Variants in WWOX observed in about 807,000 individuals in gnomAD.
The protein encoded by WWOX is WW domain containing oxidoreductase, also known as WW domain-containing oxidoreductase.
A neutral mutation model predicts 46.2 loss-of-function variants in WWOX; 69 were observed. That is an observed-to-expected ratio of 1.49 (90% confidence interval 1.23 to 1.82). The LOEUF is 1.82. Ranked by LOEUF, WWOX falls within the 40% of genes most tolerant of loss-of-function variation. The pLI, the probability that WWOX is intolerant of heterozygous loss-of-function variation, is 0.00. For missense variants in WWOX, 919 were observed against 542.6 expected (o/e 1.69, Z -6.89); for synonymous variants, 359 against 202.6 (o/e 1.77, Z -6.56).
chr16:78,891,622 C>A lies in WWOX; in HGVS notation c.1057-319986C>A, dbSNP rs547614699. 8 of 152,310 alleles carry A rather than the reference C, an allele frequency of 5.3e-5. No individual in the cohort carries two copies. In the South Asian group the frequency reaches 1.7e-3, roughly 32 times the overall value. The allele number at this position is 152,310 out of a possible 1,614,324, so 9.4% of individuals were successfully genotyped here. A position where few individuals can be genotyped will look rare whatever the true frequency, so the allele number is the denominator to read the frequency against. On this transcript the variant is annotated intron_variant, in intron 8 of 8. Coordinates refer to ENST00000566780, the MANE Select transcript of WWOX (RefSeq NM_016373.4). ...AATGTGAGAACACCTTCAGTTACTG[C>A]AACTTTTTCAAGGTGGCATAAAATA...
At chr16:78,806,178 C>A (rs1275616930) in intron 8 of WWOX, among the ~76,000 whole-genome samples, 1 of 152,160 alleles carries the variant, frequency 6.6e-6, no homozygotes, top group Non-Finnish European at 1.5e-5. Context: ...ATAAGGCTTC[C>A]AAATTCTTGG....
chr16:78,250,920 T>A (rs1223200508), intron 5 of WWOX, among the ~76,000 whole-genome samples: 2 of 152,160 alleles, frequency 1.3e-5, no homozygotes, highest in African/African-American at 4.8e-5. Flanking sequence ...AATCCCCTGT[T>A]TGGCCTGTGT....
chr16:78,416,246 T>G (rs144608341), intron 6 of WWOX, among the ~76,000 whole-genome samples: 2 of 152,322 alleles, frequency 1.3e-5, no homozygotes, highest in East Asian at 3.9e-4. Flanking sequence ...CTCAGAGCCT[T>G]TTGAATTGCA....
intron 8 of WWOX, among the ~76,000 whole-genome samples, chr16:78,673,437 C>T (rs1381715771): frequency 1.3e-5 from 2 of 152,132 alleles, no homozygotes; most frequent in African/African-American, 4.8e-5. Context: ...TGTTGATCAT[C>T]GGTAATGACA....
intron 5 of WWOX, among the ~76,000 whole-genome samples, chr16:78,208,834 T>A (rs1481644854): frequency 6.6e-6 from 1 of 152,266 alleles, no homozygotes; most frequent in East Asian, 1.9e-4. Context: ...TTTGAAATAA[T>A]GACTAGTTAA....
Position 78,929,813 on chromosome 16 carries a change from A to G in WWOX, c.1057-281795A>G, listed in dbSNP as rs892938880. On this transcript the variant is annotated intron_variant, in intron 8 of 8. Transcript: ENST00000566780. ...CCTGGGGCAATGCCATAAATCCAAG[A>G]AAGACTGGGTTTCAGGTGCAGGAAA... Among the ~76,000 whole-genome samples the G allele has an allele frequency of 5.3e-5, 8 of 152,340 alleles. No homozygotes were observed. The East Asian group carries it at 5.8e-4, about 11-fold the overall frequency.
At chr16:79,041,495 A>C (rs1418735829) in intron 8 of WWOX, among the ~76,000 whole-genome samples, 1 of 152,194 alleles carries the variant, frequency 6.6e-6, no homozygotes, top group Non-Finnish European at 1.5e-5. Context: ...ATGATGGAGC[A>C]GGGATCATGC....
At chr16:78,836,546 G>T (rs2051989808) in intron 8 of WWOX, among the ~76,000 whole-genome samples, 1 of 152,296 alleles carries the variant, frequency 6.6e-6, no homozygotes, top group East Asian at 1.9e-4. Flanking sequence ...CATCTATGTT[G>T]TTTGGGAGGA....
intron 8 of WWOX, among the ~76,000 whole-genome samples, chr16:78,731,127 G>T (rs2048960026): frequency 6.6e-6 from 1 of 152,120 alleles, no homozygotes; most frequent in African/African-American, 2.4e-5. Flanking sequence ...AGTGAATCTG[G>T]TTTAACTGGG....
intron 8 of WWOX, among the ~76,000 whole-genome samples, chr16:78,519,467 T>C (rs887053140): frequency 6.6e-5 from 10 of 151,750 alleles, no homozygotes; most frequent in Non-Finnish European, 1.2e-4. Flanking sequence ...ATTTTTTTCT[T>C]CATTTATATT....
intron 5 of WWOX, among the ~76,000 whole-genome samples, chr16:78,194,860 C>G (rs1353252277): frequency 6.6e-6 from 1 of 152,176 alleles, no homozygotes; most frequent in Non-Finnish European, 1.5e-5. Context: ...CACTAACGCT[C>G]TATGTAACTG....
intron 8 of WWOX, among the ~76,000 whole-genome samples, chr16:79,022,267 G>A (rs975736020): frequency 1.3e-5 from 2 of 150,618 alleles, no homozygotes; most frequent in African/African-American, 4.9e-5. Context: ...GGGCACATTG[G>A]CAGCTGCGAA....
intron 5 of WWOX, among the ~76,000 whole-genome samples, chr16:78,285,996 C>G (rs965499368): frequency 2.6e-5 from 4 of 152,188 alleles, no homozygotes; most frequent in Non-Finnish European, 5.9e-5. Flanking sequence ...ACCGTCTCTG[C>G]CCACTCTTTT....
chr16:78,828,447 G>A (rs185836744), intron 8 of WWOX, among the ~76,000 whole-genome samples: 1 of 152,086 alleles, frequency 6.6e-6, no homozygotes, highest in East Asian at 1.9e-4. Flanking sequence ...CAGTGTTACT[G>A]TTCCCTGCCA....
In WWOX at chr16:78,571,027, G is replaced by A. The variant is rs910278826; in HGVS notation, c.1056+138275G>A. Among the ~76,000 whole-genome samples the A allele has an allele frequency of 3.8e-4, 58 of 152,172 alleles. 1 individual carries two copies. Among genetic ancestry groups the A allele is most frequent in the African/African-American group, 1.4e-3 (56 of 41,436 alleles). On this transcript the variant is annotated intron_variant, in intron 8 of 8. Transcript: ENST00000566780. ...TATGTTGCCCAGATGACTTGTTCATGTAATCTGTGATTTTTAAATTTAGAA... is the reference window on the plus strand; with the variant it reads ...TATGTTGCCCAGATGACTTGTTCATATAATCTGTGATTTTTAAATTTAGAA...
intron 8 of WWOX, among the ~76,000 whole-genome samples, chr16:78,941,082 G>C (rs528886431): frequency 1.3e-5 from 2 of 152,180 alleles, no homozygotes; most frequent in Non-Finnish European, 2.9e-5. Context: ...ATTGGTCCCT[G>C]ATTGCCTCAC....
intron 8 of WWOX, among the ~76,000 whole-genome samples, chr16:78,798,470 A>G (rs925953283): frequency 3.9e-5 from 6 of 151,986 alleles, no homozygotes; most frequent in Non-Finnish European, 7.4e-5. Flanking sequence ...TTTGTTATGT[A>G]CTCATGCCCC....
intron 8 of WWOX, among the ~76,000 whole-genome samples, chr16:79,000,047 G>A (rs964384334): frequency 3.3e-5 from 5 of 152,060 alleles, no homozygotes; most frequent in African/African-American, 9.7e-5. Context: ...CTGAAATAGC[G>A]AAAGGGTCTC....
At chr16:78,450,346 A>C (rs1366467349) in intron 8 of WWOX, among the ~76,000 whole-genome samples, 2 of 152,206 alleles carry the variant, frequency 1.3e-5, no homozygotes, top group Admixed American at 1.3e-4. Context: ...AATCCACGAG[A>C]ATGTATGGTG....
Sources: gnomAD v4.1 joint callset for allele counts (sites outside exome capture counted in the v4.1 genomes callset) on GRCh38, gnomAD v4.1.1 for gene constraint, MANE v1.5 for transcripts, NCBI Gene and HGNC (gene_info 2026-07-23, HGNC 2026-07-21) for gene names.